The following SYT1 variants were observed in gnomAD, a reference collection of about 807,000 sequenced individuals.
SYT1 encodes the protein synaptotagmin 1.
A neutral mutation model predicts 44.8 loss-of-function variants in SYT1; 8 were observed. The ratio of observed to expected loss-of-function variants is 0.18; its 90% CI spans 0.10 to 0.32. The LOEUF (loss-of-function observed/expected upper bound fraction) is 0.32, where lower values mean the gene tolerates loss of function less well. Ranked by LOEUF, SYT1 falls within the 10% of genes least tolerant of loss-of-function variation. The pLI is 1.00. For synonymous variants in SYT1, 154 were observed against 188.8 expected (o/e 0.82, Z 1.51); for missense variants, 286 against 509.3 (o/e 0.56, Z 4.22).
chr12:78,940,077 G>T (rs1878268352), intron 1 of SYT1, among the ~76,000 whole-genome samples: 1 of 152,054 alleles, frequency 6.6e-6, no homozygotes, highest in African/African-American at 2.4e-5. Context: ...AGCAGCATTT[G>T]CCATCTCTCT....
chr12:79,024,055 C>T (rs61928976), intron 2 of SYT1, among the ~76,000 whole-genome samples: 7,965 of 151,704 alleles, frequency 0.053, 242 homozygotes, highest in Admixed American at 0.089. Flanking sequence ...CCTAACCTCA[C>T]GGAGGGAGAG....
At chr12:79,086,963 T>C (rs148264975) in intron 3 of SYT1, among the ~76,000 whole-genome samples, 79 of 152,288 alleles carry the variant, frequency 5.2e-4, no homozygotes, top group African/African-American at 1.9e-3. Flanking sequence ...CTTTTGACTT[T>C]ATATTCTGAC....
chr12:79,333,443 G>C (rs941370948), intron 8 of SYT1, among the ~76,000 whole-genome samples: 2 of 152,118 alleles, frequency 1.3e-5, no homozygotes, highest in African/African-American at 2.4e-5. Context: ...TGAATTCTGC[G>C]GAGGAGACAC....
chr12:79,313,965 C>G (rs1024489315), intron 8 of SYT1, among the ~76,000 whole-genome samples: 1 of 151,116 alleles, frequency 6.6e-6, no homozygotes, highest in Non-Finnish European at 1.5e-5. Flanking sequence ...GTCAGGAGAT[C>G]GAGACCATCC....
intron 2 of SYT1, among the ~76,000 whole-genome samples, chr12:78,978,378 G>A (rs1048302125): frequency 1.6e-4 from 24 of 152,186 alleles, no homozygotes; most frequent in Admixed American, 1.4e-3. Context: ...GGTTAGAGGG[G>A]AGAGCAGAAT....
intron 9 of SYT1, among the ~76,000 whole-genome samples, chr12:79,363,735 A>G (rs75095879): frequency 5.4e-5 from 6 of 111,592 alleles, no homozygotes; most frequent in Non-Finnish European, 1.0e-4. Flanking sequence ...TCCCTGTCTC[A>G]AAAAAAAAAA....
chr12:78,941,732 C>T (rs2137254114), intron 1 of SYT1, among the ~76,000 whole-genome samples: 1 of 152,324 alleles, frequency 6.6e-6, no homozygotes, highest in African/African-American at 2.4e-5. Flanking sequence ...TGATCCACAT[C>T]TTACATTTCT....
intron 4 of SYT1, among the ~76,000 whole-genome samples, chr12:79,276,260 T>C (rs1328613691): frequency 6.6e-6 from 1 of 152,094 alleles, no homozygotes; most frequent in Non-Finnish European, 1.5e-5. Context: ...AAAAATTGAT[T>C]GCAAAGTTTC....
In SYT1 at chr12:79,214,955, G is replaced by A. The variant is rs943608625; in HGVS notation, c.-17-2548G>A. 3.3e-5 allele frequency among the ~76,000 whole-genome samples: 5 copies of A among 151,166 alleles called. No homozygotes were observed. The East Asian group carries it at 9.7e-4, about 29-fold the overall frequency. On this transcript the variant is annotated intron_variant, in intron 3 of 10. Coordinates refer to ENST00000261205, the MANE Select transcript of SYT1 (RefSeq NM_005639.3). ...AATGTGTGTATATGTGTGTGTGTGT[G>A]TGTGTGTGTGTGTGTGTGTGTGTGT...
At chr12:79,075,191 C>T (rs770168464) in intron 3 of SYT1, among the ~76,000 whole-genome samples, 1 of 152,146 alleles carries the variant, frequency 6.6e-6, no homozygotes, top group Non-Finnish European at 1.5e-5. Context: ...CCCATCAGTT[C>T]GTTCAATCTC....
chr12:79,314,019 A>G (rs1419205704), intron 8 of SYT1, among the ~76,000 whole-genome samples: 1 of 150,588 alleles, frequency 6.6e-6, no homozygotes. Flanking sequence ...AATACAAAAA[A>G]TTAGCCGGGC....
intron 1 of SYT1, among the ~76,000 whole-genome samples, chr12:78,875,550 C>G (rs1035490519): frequency 6.6e-6 from 1 of 151,554 alleles, no homozygotes. Context: ...ACAATGGGAA[C>G]AGTTTGGTCT....
chr12:79,362,320 G>A (rs907598341), intron 9 of SYT1, among the ~76,000 whole-genome samples: 1 of 152,136 alleles, frequency 6.6e-6, no homozygotes, highest in Non-Finnish European at 1.5e-5. Context: ...AAAGGAAAAC[G>A]TGACCCAATT....
chr12:78,998,237 G>T (rs1221826047), intron 2 of SYT1, among the ~76,000 whole-genome samples: 2 of 152,172 alleles, frequency 1.3e-5, no homozygotes, highest in African/African-American at 4.8e-5. Flanking sequence ...ACCAAGCATG[G>T]AGATATTTTA....
chr12:78,943,469 T>C lies in SYT1; in HGVS notation c.-216-34330T>C, dbSNP rs11111991. Among the ~76,000 whole-genome samples the C allele has an allele frequency of 3.0e-3, 452 of 152,254 alleles. 1 individual carries two copies. Among genetic ancestry groups the C allele is most frequent in the Non-Finnish European group, 4.0e-3 (274 of 68,016 alleles). On this transcript the variant is annotated intron_variant, in intron 1 of 10. Transcript: ENST00000261205. ...AGCTTCTAAACAAATAGATTTCTTA[T>C]GAACTCATTCACTAGCTTGAGGACA...
intron 2 of SYT1, among the ~76,000 whole-genome samples, chr12:79,021,843 C>G (rs1872215284): frequency 6.6e-6 from 1 of 151,790 alleles, no homozygotes; most frequent in South Asian, 2.1e-4. Context: ...TTAACTCACT[C>G]ATTAACATTT....
chr12:78,929,479 G>A (rs2137195381), intron 1 of SYT1, among the ~76,000 whole-genome samples: 1 of 134,244 alleles, frequency 7.4e-6, no homozygotes, highest in Admixed American at 7.8e-5. Flanking sequence ...TATAAAGGTA[G>A]GAAGAATCTT....
At chr12:79,338,807 C>T (rs1882216437) in intron 8 of SYT1, among the ~76,000 whole-genome samples, 1 of 151,966 alleles carries the variant, frequency 6.6e-6, no homozygotes, top group Non-Finnish European at 1.5e-5. Flanking sequence ...TCTCCTAATA[C>T]TATCCCTCCC....
chr12:79,381,230 T>C (rs1449006262), intron 9 of SYT1, among the ~76,000 whole-genome samples: 1 of 152,230 alleles, frequency 6.6e-6, no homozygotes, highest in Non-Finnish European at 1.5e-5. Context: ...TTCGAAAGAT[T>C]ATAGATCCAT....
Sources: allele counts gnomAD v4.1 joint callset (sites outside exome capture counted in the v4.1 genomes callset), GRCh38; gene constraint gnomAD v4.1.1; transcripts MANE v1.5; gene names NCBI Gene and HGNC (gene_info 2026-07-23, HGNC 2026-07-21).